Variants in DNAI4 observed in about 807,000 individuals in gnomAD.
The protein encoded by DNAI4 is dynein axonemal intermediate chain 4, also known as WD repeat domain 78.
DNAI4 carries 85 observed loss-of-function variants against 105.8 expected under a neutral mutation model. The ratio of observed to expected loss-of-function variants is 0.80; its 90% CI spans 0.67 to 0.96. The LOEUF (loss-of-function observed/expected upper bound fraction) is 0.96. Ranked by LOEUF, DNAI4 falls within the 40% of genes least tolerant of loss-of-function variation. DNAI4 has a pLI of 0.00. For synonymous variants in DNAI4, 352 were observed against 331.5 expected, an observed-to-expected ratio of 1.06 and a Z score of -0.67; for missense variants, 1,014 against 1,005.6, an observed-to-expected ratio of 1.01 and a Z score of -0.11.
At chr1:66,828,531 A>G (rs1387981465) in intron 13 of DNAI4, 1 of 152,152 alleles carries the variant, frequency 6.6e-6, no homozygotes, top group Admixed American at 6.5e-5. Flanking sequence ...GTGAATATCA[A>G]TAAGGTGGAG....
intron 1 of DNAI4, among the ~76,000 whole-genome samples, chr1:66,921,821 A>T (rs1650501942): frequency 6.6e-6 from 1 of 152,200 alleles, no homozygotes; most frequent in African/African-American, 2.4e-5. Flanking sequence ...ACAAAACAAA[A>T]ATCTCTGCCT....
rs528466002 is a variant in DNAI4, at chr1:66,890,986, G to T, written c.643+168C>A. 4 of 628,258 alleles carry T rather than the reference G, an allele frequency of 6.4e-6. No individual in the cohort carries two copies. Among genetic ancestry groups the T allele is most frequent in the Non-Finnish European group, 1.1e-5 (4 of 354,772 alleles). The allele number at this position is 628,258 out of a possible 1,614,324, so 38.9% of individuals were successfully genotyped here. A position where few individuals can be genotyped will look rare whatever the true frequency, so the allele number is the denominator to read the frequency against. ...CTGATGATTCAAAACAGTCACCCAG[G>T]GAACTTAAAAAAATAGATATTCCCC... is the stretch of plus-strand genomic sequence containing the variant. On this transcript the variant is annotated intron_variant, in intron 4 of 16. Transcript: ENST00000371026. The surrounding 1 kb of genome is among the most constrained non-coding windows in gnomAD (Gnocchi z 4.1).
chr1:66,913,206 G>A (rs1649790790), intron 1 of DNAI4, among the ~76,000 whole-genome samples: 1 of 152,172 alleles, frequency 6.6e-6, no homozygotes, highest in Non-Finnish European at 1.5e-5. Context: ...CTTGGCTCAA[G>A]TTAAGATTAA....
At chr1:66,910,461 G>A (rs1273901089) in intron 1 of DNAI4, among the ~76,000 whole-genome samples, 3 of 152,136 alleles carry the variant, frequency 2.0e-5, no homozygotes, top group Non-Finnish European at 2.9e-5. Context: ...TCAAAGACTT[G>A]AATTTATGTT....
At chr1:66,846,208 T>C (rs995927862) in intron 8 of DNAI4, among the ~76,000 whole-genome samples, 2 of 152,188 alleles carry the variant, frequency 1.3e-5, no homozygotes, top group East Asian at 3.8e-4. Flanking sequence ...AAAATCTATA[T>C]ATATAAGTGA....
chr1:66,883,866 T>C (rs1647134729), intron 4 of DNAI4, among the ~76,000 whole-genome samples: 1 of 152,178 alleles, frequency 6.6e-6, no homozygotes, highest in Non-Finnish European at 1.5e-5. Flanking sequence ...AATTTCTCTT[T>C]GCAATTTTGT....
intron 1 of DNAI4, among the ~76,000 whole-genome samples, chr1:66,913,704 C>T (rs1308102864): frequency 6.6e-6 from 1 of 152,078 alleles, no homozygotes; most frequent in Non-Finnish European, 1.5e-5. Flanking sequence ...AGGTGGAGGC[C>T]GGGCGCAGTG....
At chr1:66,834,259 A>G (rs1388275451) in intron 11 of DNAI4, 111 bp from the exon 12 acceptor site, 1 of 774,414 alleles carries the variant, frequency 1.3e-6, no homozygotes, top group African/African-American at 1.9e-5. Context: ...CTATTTATAT[A>G]ATCCTTTTAT....
intron 2 of DNAI4, among the ~76,000 whole-genome samples, chr1:66,902,126 C>A (rs1648871736): frequency 6.6e-6 from 1 of 152,204 alleles, no homozygotes; most frequent in Non-Finnish European, 1.5e-5. Context: ...AGCCACCATG[C>A]CTGGCCCTAC....
At chr1:66,920,101 T>A (rs1351099303) in intron 1 of DNAI4, among the ~76,000 whole-genome samples, 9 of 152,110 alleles carry the variant, frequency 5.9e-5, no homozygotes, top group Non-Finnish European at 1.2e-4. Flanking sequence ...GCCCGCCCTG[T>A]CCCACTATCC....
At chr1:66,821,770 T>G (rs957825888) in intron 16 of DNAI4, among the ~76,000 whole-genome samples, 3 of 152,238 alleles carry the variant, frequency 2.0e-5, no homozygotes, top group Middle Eastern at 6.8e-3. Flanking sequence ...GTGCTAATAT[T>G]TACCAGATTA....
chr1:66,827,603 A>G (rs962158084), intron 14 of DNAI4, among the ~76,000 whole-genome samples: 7 of 152,234 alleles, frequency 4.6e-5, no homozygotes, highest in African/African-American at 1.7e-4. Context: ...AAACTTCCAA[A>G]CTTTCAAGAA....
rs866895642 is a variant in DNAI4, at chr1:66,923,000, A to G, written c.170+1662T>C. On this transcript the variant is annotated intron_variant, in intron 1 of 16. Transcript: ENST00000371026. ...ATACCAATACAGTCCTGGATCATCA[A>G]CAATGAATCACATATACAATGGTGA... Among the ~76,000 whole-genome samples the G allele has an allele frequency of 1.5e-4, 23 of 152,184 alleles. 1 individual carries two copies. Among genetic ancestry groups the G allele is most frequent in the Non-Finnish European group, 7.3e-5 (5 of 68,036 alleles).
chr1:66,915,410 CTG>C (rs1649991173), intron 1 of DNAI4, among the ~76,000 whole-genome samples: 1 of 152,188 alleles, frequency 6.6e-6, no homozygotes, highest in Admixed American at 6.5e-5. Context: ...ATCTTTTTCA[CTG>C]TCTCAGTTAT....
chr1:66,829,696 C>G (rs1376564777), intron 13 of DNAI4, among the ~76,000 whole-genome samples: 1 of 152,094 alleles, frequency 6.6e-6, no homozygotes, highest in African/African-American at 2.4e-5. Flanking sequence ...TAATCTTGAA[C>G]AACATTATCA....
intron 7 of DNAI4, among the ~76,000 whole-genome samples, chr1:66,854,781 G>T (rs1421300627): frequency 6.6e-6 from 1 of 152,194 alleles, no homozygotes; most frequent in Non-Finnish European, 1.5e-5. Flanking sequence ...TCCAGCCTGG[G>T]TGGCAGAGCA....
chr1:66,881,232 T>C (rs1239731279), intron 4 of DNAI4, among the ~76,000 whole-genome samples: 1 of 152,214 alleles, frequency 6.6e-6, no homozygotes, highest in Non-Finnish European at 1.5e-5. Flanking sequence ...ACAGAGTCCC[T>C]ACTGGGGCAC....
intron 8 of DNAI4, among the ~76,000 whole-genome samples, chr1:66,843,144 G>C (rs1220179439): frequency 7.5e-6 from 1 of 132,636 alleles, no homozygotes; most frequent in African/African-American, 2.8e-5. Context: ...AGGCTACAAT[G>C]AGCCGTGATT....
intron 4 of DNAI4, among the ~76,000 whole-genome samples, chr1:66,882,845 G>T (rs980806822): frequency 1.3e-5 from 2 of 151,822 alleles, no homozygotes; most frequent in Admixed American, 6.6e-5. Context: ...CTGGGATTTT[G>T]ATTAAGATTG....
Sources: allele counts gnomAD v4.1 joint callset (sites outside exome capture counted in the v4.1 genomes callset), GRCh38; gene constraint gnomAD v4.1.1; non-coding constraint Gnocchi (gnomAD v3.1); transcripts MANE v1.5; gene names NCBI Gene and HGNC (gene_info 2026-07-23, HGNC 2026-07-21).